Variants in PITPNM3 observed in about 807,000 individuals in gnomAD.
PITPNM3 encodes the protein PITPNM family member 3.
PITPNM3 carries 26 observed loss-of-function variants against 102.0 expected under a neutral mutation model. The ratio of observed to expected loss-of-function variants is 0.25; its 90% CI spans 0.19 to 0.35. PITPNM3 has a LOEUF of 0.35. Ranked by LOEUF, PITPNM3 falls within the 10% of genes least tolerant of loss-of-function variation. The probability of loss-of-function intolerance (pLI) is 1.00; values close to 1 mark genes in which losing one functional copy is unlikely to be tolerated. For synonymous variants in PITPNM3, 578 were observed against 558.6 expected (o/e 1.03, Z -0.49); for missense variants, 1,083 against 1,346.1 (o/e 0.80, Z 3.06).
At chr17:6,496,599 T>G (rs1163052713) in intron 4 of PITPNM3, among the ~76,000 whole-genome samples, 1 of 152,178 alleles carries the variant, frequency 6.6e-6, no homozygotes. Context: ...TTATGACTAT[T>G]TGATTATTAT....
intron 4 of PITPNM3, among the ~76,000 whole-genome samples, chr17:6,499,626 G>A (rs1169232360): frequency 6.6e-6 from 1 of 152,188 alleles, no homozygotes; most frequent in Admixed American, 6.5e-5. Flanking sequence ...TCCAGCCTGT[G>A]CGGATCCTAG....
At chr17:6,527,442 A>C (rs1405637194) in intron 2 of PITPNM3, among the ~76,000 whole-genome samples, 3 of 152,210 alleles carry the variant, frequency 2.0e-5, no homozygotes, top group Non-Finnish European at 4.4e-5. Context: ...ACACAGTAAA[A>C]GCACAGGCTG....
chr17:6,494,556 G>A (rs1054487521), intron 4 of PITPNM3, among the ~76,000 whole-genome samples: 1 of 152,144 alleles, frequency 6.6e-6, no homozygotes, highest in Admixed American at 6.5e-5. Flanking sequence ...CTCACACATA[G>A]GAAAAAGGTG....
intron 2 of PITPNM3, among the ~76,000 whole-genome samples, chr17:6,528,820 CACAT>C (rs1362956549): frequency 6.6e-6 from 1 of 152,108 alleles, no homozygotes. Context: ...CACACACACA[CACAT>C]ACACACGGAA....
chr17:6,481,404 C>T (rs1905664186), intron 6 of PITPNM3: 1 of 153,274 alleles, frequency 6.5e-6, no homozygotes. Context: ...TCCCTATGTG[C>T]TTTCTACATT....
intron 18 of PITPNM3, chr17:6,461,032 G>A (rs1904420586): frequency 2.6e-6 from 1 of 381,348 alleles, no homozygotes; most frequent in Non-Finnish European, 5.0e-6. Flanking sequence ...GGTTCTGTTT[G>A]TCTCTGTGCA....
At chr17:6,503,627 CTG>C (rs746126325) in intron 3 of PITPNM3, 53 bp from the exon 4 acceptor site, 9 of 1,585,044 alleles carry the variant, frequency 5.7e-6, no homozygotes, top group Middle Eastern at 1.7e-4. Flanking sequence ...TTGCCAGGCA[CTG>C]TGTTTCCCAG....
rs1005088066 is a variant in PITPNM3, at chr17:6,460,899, A to T, written c.2490+474T>A. 10 of 257,612 alleles carry T rather than the reference A, an allele frequency of 3.9e-5. No homozygotes were observed. The South Asian group carries it at 4.3e-4, about 11-fold the overall frequency. The allele number at this position is 257,612 out of a possible 1,614,324, so 16.0% of individuals were successfully genotyped here. A position where few individuals can be genotyped will look rare whatever the true frequency, so the allele number is the denominator to read the frequency against. On this transcript the variant is annotated intron_variant, in intron 18 of 19. Transcript: ENST00000262483. ...GGAGGAGGCAGGGCAGATAATTTGC[A>T]CTTCTCCCGAGTTTCCGAGTTTCCT... is the stretch of plus-strand genomic sequence containing the variant.
intron 8 of PITPNM3, among the ~76,000 whole-genome samples, 168 bp from the exon 9 acceptor site, chr17:6,477,381 T>C (rs60216730): frequency 0.029 from 4,480 of 152,250 alleles, 234 homozygotes; most frequent in African/African-American, 0.1. Flanking sequence ...GGTAGGATTT[T>C]AGGCACAGGC....
Position 6,477,837 on chromosome 17 carries a change from C to T in PITPNM3, c.900+138G>A, listed in dbSNP as rs1440684105. 38 of 1,465,334 alleles carry T rather than the reference C, an allele frequency of 2.6e-5. 1 individual carries two copies. The highest frequency in any genetic ancestry group is 1.2e-4 in the African/African-American group (9 of 72,320). 90.8% of individuals were successfully genotyped at this position (1,465,334 alleles called of 1,614,324 possible). On this transcript the variant is annotated intron_variant, in intron 8 of 19. Coordinates refer to ENST00000262483, the MANE Select transcript of PITPNM3 (RefSeq NM_031220.4). ...CTGGGATTACAGGCATGAGCCACTG[C>T]GCCCAGCTGGATTATGATACACTTC... is the stretch of plus-strand genomic sequence containing the variant.
chr17:6,492,781 C>T (rs1211336156), intron 4 of PITPNM3, among the ~76,000 whole-genome samples: 1 of 152,038 alleles, frequency 6.6e-6, no homozygotes, highest in Non-Finnish European at 1.5e-5. Context: ...TGCTTGAACT[C>T]GGCAGGTGGA....
At chr17:6,532,514 C>A (rs117767628) in intron 2 of PITPNM3, among the ~76,000 whole-genome samples, 2 of 152,044 alleles carry the variant, frequency 1.3e-5, no homozygotes, top group African/African-American at 4.8e-5. Flanking sequence ...CATCCCCAGG[C>A]GACCGCTGAT....
At chr17:6,463,991 G>T in intron 16 of PITPNM3, 110 bp from the exon 17 acceptor site, 1 of 1,552,194 alleles carries the variant, frequency 6.4e-7, no homozygotes, top group Non-Finnish European at 8.8e-7. Context: ...CAAGGTCAGA[G>T]AGCACCTGGG....
rs367587106 is a variant in PITPNM3, at chr17:6,463,815, G to A, written c.2223C>T (p.Phe741=). The A allele has an allele frequency of 3.1e-6, 5 of 1,613,720 alleles. No homozygotes were observed. The African/African-American group carries it at 5.3e-5, about 17-fold the overall frequency. ...TGGCCGCGAAGGACCCATCAATGCT[G>A]AACACTACACACTCCATGCCCCTGG... ...VLPRGMECVV[F]SIDGSFAASV... is the part of the protein sequence containing the mutation. Residue 741 remains phenylalanine (F), a synonymous_variant, in exon 17 of 20, where the codon TTC becomes TTT. Coordinates refer to ENST00000262483, the MANE Select transcript of PITPNM3 (RefSeq NM_031220.4).
At position 6,478,280 on chromosome 17, in the gene PITPNM3, C is replaced by G. The variant is rs888307888; in HGVS notation, c.778-183G>C. On this transcript the variant is annotated intron_variant, in intron 7 of 19. Coordinates refer to ENST00000262483, the MANE Select transcript of PITPNM3 (RefSeq NM_031220.4). This position sits in a 1 kb window ranked among gnomAD's most constrained non-coding sequence, Gnocchi z 4.4. The stretch of plus-strand genomic sequence containing the variant: ...GGGTCAGGGTTGGCGTTGGCCCAGG[C>G]CAGCCCAAGGACGGGGAGTAGGCTA... Among the ~76,000 whole-genome samples, 1 of 152,254 alleles carries G rather than the reference C, an allele frequency of 6.6e-6. No individual in the cohort carries two copies. Among genetic ancestry groups the G allele is most frequent in the Non-Finnish European group, 1.5e-5 (1 of 68,048 alleles).
At chr17:6,519,627 C>T (rs1030696421) in intron 3 of PITPNM3, among the ~76,000 whole-genome samples, 2 of 151,658 alleles carry the variant, frequency 1.3e-5, no homozygotes, top group African/African-American at 4.8e-5. Context: ...GTCAGGAGTT[C>T]GACACCAGCC....
Position 6,556,315 on chromosome 17 carries a change from C to G in PITPNM3, c.22+70G>C. The G allele has an allele frequency of 7.6e-7, 1 of 1,308,956 alleles. No homozygotes were observed. The highest frequency in any genetic ancestry group is 1.0e-6 in the Non-Finnish European group (1 of 995,390). 81.1% of individuals were successfully genotyped at this position (1,308,956 alleles called of 1,614,324 possible). A position where few individuals can be genotyped will look rare whatever the true frequency, so the allele number is the denominator to read the frequency against. ...TGCGCGAGGGGTTCACCTGGGCCGGCGGCCCCTCCTCTAGACGCGCGAGTC... is the reference window on the plus strand; with the variant it reads ...TGCGCGAGGGGTTCACCTGGGCCGGGGGCCCCTCCTCTAGACGCGCGAGTC... On this transcript the variant is annotated intron_variant, in intron 1 of 19. Coordinates refer to ENST00000262483, the MANE Select transcript of PITPNM3 (RefSeq NM_031220.4). This position sits in a 1 kb window ranked among gnomAD's most constrained non-coding sequence, Gnocchi z 5.2.
chr17:6,521,199 G>C (rs1908493101), intron 3 of PITPNM3: 1 of 152,276 alleles, frequency 6.6e-6, no homozygotes, highest in African/African-American at 2.4e-5. Context: ...ATCACTTGAG[G>C]TCAGGAGTTC....
chr17:6,538,093 G>C lies in PITPNM3; in HGVS notation c.23-11C>G, dbSNP rs1482933033. On this transcript the variant is annotated splice_polypyrimidine_tract_variant and intron_variant, in intron 1 of 19. Coordinates refer to ENST00000262483, the MANE Select transcript of PITPNM3 (RefSeq NM_031220.4). ...CCGGGGGAGGACCACCTGTTAAAGGGAACACATCTGTTAACCAAGCCTGAG... is the reference window on the plus strand; with the variant it reads ...CCGGGGGAGGACCACCTGTTAAAGGCAACACATCTGTTAACCAAGCCTGAG... 2.0e-5 allele frequency: 32 copies of C among 1,585,496 alleles called. No homozygotes were observed. The highest frequency in any genetic ancestry group is 2.8e-5 in the Non-Finnish European group (32 of 1,154,214).
Sources: allele counts gnomAD v4.1 joint callset (sites outside exome capture counted in the v4.1 genomes callset), GRCh38; gene constraint gnomAD v4.1.1; non-coding constraint Gnocchi (gnomAD v3.1); transcripts MANE v1.5; gene names NCBI Gene and HGNC (gene_info 2026-07-23, HGNC 2026-07-21).